Variants in TSGA10 observed in about 807,000 individuals in gnomAD.
TSGA10 encodes the protein testis specific 10.
A neutral mutation model predicts 96.6 loss-of-function variants in TSGA10; 43 were observed. The ratio of observed to expected loss-of-function variants is 0.44; its 90% CI spans 0.35 to 0.57. The LOEUF (loss-of-function observed/expected upper bound fraction) is 0.57. Among genes scored for constraint, TSGA10 ranks in the 20% least tolerant of loss-of-function variants. TSGA10 has a pLI of 0.01. For synonymous variants in TSGA10, 229 were observed against 269.9 expected, an observed-to-expected ratio of 0.85 and a Z score of 1.48; for missense variants, 703 against 834.4, an observed-to-expected ratio of 0.84 and a Z score of 1.94.
At chr2:99,085,645 T>C (rs1228334200) in intron 10 of TSGA10, among the ~76,000 whole-genome samples, 14 of 106,568 alleles carry the variant, frequency 1.3e-4, no homozygotes, top group Non-Finnish European at 2.5e-4. Flanking sequence ...GTTGTTTTTT[T>C]GGAGGTTCTA....
At chr2:99,083,122 C>A (rs1268278690) in intron 10 of TSGA10, among the ~76,000 whole-genome samples, 1 of 151,884 alleles carries the variant, frequency 6.6e-6, no homozygotes, top group Non-Finnish European at 1.5e-5. Context: ...ATCAAAATCC[C>A]AGTAGGGAAG....
At chr2:99,148,618 G>A (rs2093656266) in intron 1 of TSGA10, among the ~76,000 whole-genome samples, 1 of 152,162 alleles carries the variant, frequency 6.6e-6, no homozygotes, top group African/African-American at 2.4e-5. Context: ...TGATGAGTAT[G>A]AAATTGTAAA....
chr2:99,080,469 T>C (rs1163682258), intron 11 of TSGA10, among the ~76,000 whole-genome samples: 2 of 152,184 alleles, frequency 1.3e-5, no homozygotes, highest in Non-Finnish European at 1.5e-5. Context: ...TAAAATATCA[T>C]TTATATGCTG....
intron 1 of TSGA10, chr2:99,154,193 G>A (rs2093724238): frequency 6.6e-6 from 1 of 152,296 alleles, no homozygotes; most frequent in African/African-American, 2.4e-5. Flanking sequence ...ATGCCCAGGA[G>A]AAACTAGCAG....
intron 10 of TSGA10, among the ~76,000 whole-genome samples, chr2:99,088,893 A>C (rs909527288): frequency 6.6e-6 from 1 of 152,212 alleles, no homozygotes; most frequent in Non-Finnish European, 1.5e-5. Flanking sequence ...GGCAGATAGG[A>C]GGCAGGACTA....
At chr2:99,001,916 C>A (rs867050713) in intron 20 of TSGA10, among the ~76,000 whole-genome samples, 1 of 151,966 alleles carries the variant, frequency 6.6e-6, no homozygotes, top group Non-Finnish European at 1.5e-5. Context: ...TGAAATGAAG[C>A]AAGAAGAGAA....
At chr2:99,076,496 AT>A (rs989907782) in intron 12 of TSGA10, among the ~76,000 whole-genome samples, 1 of 151,930 alleles carries the variant, frequency 6.6e-6, no homozygotes, top group Non-Finnish European at 1.5e-5. Flanking sequence ...TACTTTTATG[AT>A]TTTTTTGCTT....
intron 9 of TSGA10, 106 bp downstream of exon 9, chr2:99,105,253 T>C: frequency 2.1e-6 from 2 of 953,506 alleles, no homozygotes; most frequent in Non-Finnish European, 3.1e-6. Context: ...CTATAAACAC[T>C]ATCTTAGAAA....
intron 2 of TSGA10, among the ~76,000 whole-genome samples, chr2:99,122,485 A>T (rs1036304840): frequency 1.3e-5 from 2 of 151,258 alleles, no homozygotes; most frequent in African/African-American, 2.4e-5. Context: ...TTGTAAAATT[A>T]AAAAAAAATT....
At chr2:99,049,971 T>C (rs4851184) in intron 16 of TSGA10, among the ~76,000 whole-genome samples, 53,329 of 151,978 alleles carry the variant, frequency 0.35, 10,699 homozygotes, top group African/African-American at 0.55. Context: ...GATTTTAAAA[T>C]CAATTATATA....
intron 1 of TSGA10, among the ~76,000 whole-genome samples, chr2:99,136,244 T>C (rs1013505778): frequency 6.6e-6 from 1 of 152,210 alleles, no homozygotes; most frequent in Non-Finnish European, 1.5e-5. Flanking sequence ...CTATCACTGT[T>C]TTAGTTCATG....
chr2:99,021,957 A>G (rs140180298), intron 17 of TSGA10, among the ~76,000 whole-genome samples: 1 of 152,162 alleles, frequency 6.6e-6, no homozygotes, highest in African/African-American at 2.4e-5. Flanking sequence ...ACATGCCATC[A>G]ATGATTTTTA....
At chr2:99,044,523 G>T (rs1454754866) in intron 16 of TSGA10, among the ~76,000 whole-genome samples, 1 of 152,092 alleles carries the variant, frequency 6.6e-6, no homozygotes, top group Non-Finnish European at 1.5e-5. Flanking sequence ...GGAACACCCA[G>T]ATTCATAAAA....
chr2:99,046,289 C>T (rs1320027077), intron 16 of TSGA10, among the ~76,000 whole-genome samples: 4 of 152,164 alleles, frequency 2.6e-5, no homozygotes, highest in African/African-American at 7.2e-5. Flanking sequence ...AGCACCACAC[C>T]ACACTTATTC....
chr2:99,030,967 G>A (rs2081075582), intron 17 of TSGA10, among the ~76,000 whole-genome samples: 1 of 151,414 alleles, frequency 6.6e-6, no homozygotes, highest in African/African-American at 2.4e-5. Flanking sequence ...ATTCAAGCAG[G>A]ATTTTTGAAG....
At chr2:99,042,023 G>A (rs1431864192) in intron 16 of TSGA10, among the ~76,000 whole-genome samples, 1 of 145,276 alleles carries the variant, frequency 6.9e-6, no homozygotes, top group Non-Finnish European at 1.5e-5. Context: ...CACATGAATA[G>A]ACAATTGCCC....
chr2:99,021,072 C>T (rs1352677268), intron 17 of TSGA10, among the ~76,000 whole-genome samples: 1 of 151,410 alleles, frequency 6.6e-6, no homozygotes, highest in African/African-American at 2.4e-5. Flanking sequence ...CTCAGTGAGA[C>T]AAATGTTTTT....
At chr2:99,097,445 CAT>C (rs2090187650) in intron 10 of TSGA10, among the ~76,000 whole-genome samples, 1 of 152,090 alleles carries the variant, frequency 6.6e-6, no homozygotes, top group Non-Finnish European at 1.5e-5. Context: ...GTTATACACA[CAT>C]GTATGTATAT....
intron 2 of TSGA10, among the ~76,000 whole-genome samples, chr2:99,121,970 G>C (rs891797083): frequency 3.3e-5 from 5 of 152,110 alleles, no homozygotes; most frequent in African/African-American, 1.2e-4. Context: ...GATTTAAGTG[G>C]AGGGTAACTG....
Sources: allele counts gnomAD v4.1 joint callset (sites outside exome capture counted in the v4.1 genomes callset), GRCh38; gene constraint gnomAD v4.1.1; transcripts MANE v1.5; gene names NCBI Gene and HGNC (gene_info 2026-07-23, HGNC 2026-07-21).